Variants in AFF1 observed in about 807,000 individuals in gnomAD.
AFF1 encodes the protein ALF transcription elongation factor 1, also known as AF4/FMR2 family member 1.
AFF1 carries 48 observed loss-of-function variants against 121.7 expected under a neutral mutation model. The observed-to-expected ratio is 0.39, with a 90% CI of 0.31 to 0.50. AFF1 has a LOEUF of 0.50. Ranked by LOEUF, AFF1 falls within the 20% of genes least tolerant of loss-of-function variation. The probability of loss-of-function intolerance (pLI) is 0.76; values close to 1 mark genes in which losing one functional copy is unlikely to be tolerated. For missense variants in AFF1, 1,523 were observed against 1,511.7 expected (o/e 1.01, Z -0.12); for synonymous variants, 613 against 563.0 (o/e 1.09, Z -1.26).
In AFF1 at chr4:87,113,181, C is replaced by T. The variant is rs377451262; in HGVS notation, c.1534-1186C>T. On this transcript the variant is annotated intron_variant, in intron 11 of 20. Coordinates refer to ENST00000395146, the MANE Select transcript of AFF1 (RefSeq NM_001166693.3). The stretch of plus-strand genomic sequence containing the variant: ...GCCAGGAACCTATGTTTTTATGCCA[C>T]GCAATTGTACATTCTCATTGCCCCT... 5.3e-5 allele frequency among the ~76,000 whole-genome samples: 8 copies of T among 152,146 alleles called. No individual in the cohort carries two copies. In the East Asian group the frequency reaches 1.3e-3, roughly 26 times the overall value.
intron 19 of AFF1, among the ~76,000 whole-genome samples, chr4:87,133,859 G>A (rs1194881347): frequency 6.6e-6 from 1 of 152,196 alleles, no homozygotes; most frequent in African/African-American, 2.4e-5. Flanking sequence ...GAGTAAAGAG[G>A]AGATAGAGTC....
intron 4 of AFF1, among the ~76,000 whole-genome samples, chr4:87,083,068 A>G (rs948100500): frequency 1.3e-5 from 2 of 152,226 alleles, no homozygotes; most frequent in African/African-American, 4.8e-5. Context: ...ATGAATTGAC[A>G]CAGAGCAAGT....
intron 4 of AFF1, among the ~76,000 whole-genome samples, chr4:87,052,059 T>C (rs184016677): frequency 2.9e-3 from 442 of 152,110 alleles, no homozygotes; most frequent in African/African-American, 9.5e-3. Context: ...AGGATGAACA[T>C]GCGTCAGTCA....
chr4:87,031,723 A>G lies in AFF1; in HGVS notation c.39-14443A>G, dbSNP rs556503813. Among the ~76,000 whole-genome samples, 146 of 152,312 alleles carry G rather than the reference A, an allele frequency of 9.6e-4. 1 individual carries two copies. In the South Asian group the frequency reaches 0.019, roughly 19 times the overall value. ...CAGGTCTTATAAAATATAAATTGTC[A>G]CAGTGTATCTGGTGGTAATGTTGAA... is the stretch of plus-strand genomic sequence containing the variant. On this transcript the variant is annotated intron_variant, in intron 2 of 20. Coordinates refer to ENST00000395146, the MANE Select transcript of AFF1 (RefSeq NM_001166693.3).
At chr4:87,029,533 A>C (rs1728863871) in intron 2 of AFF1, among the ~76,000 whole-genome samples, 1 of 152,136 alleles carries the variant, frequency 6.6e-6, no homozygotes. Flanking sequence ...CCACTGGCTT[A>C]ATTCTTCATA....
intron 8 of AFF1, among the ~76,000 whole-genome samples, chr4:87,096,476 C>A (rs1265607583): frequency 1.3e-5 from 2 of 148,242 alleles, no homozygotes; most frequent in Admixed American, 6.8e-5. Flanking sequence ...AAGCAGTTCT[C>A]CTGCCTCAGC....
intron 4 of AFF1, among the ~76,000 whole-genome samples, chr4:87,077,565 CT>C (rs1336809801): frequency 1.3e-5 from 2 of 152,020 alleles, no homozygotes; most frequent in African/African-American, 4.8e-5. Context: ...AATCTTCCCC[CT>C]ATTCCTTCCC....
intron 10 of AFF1, among the ~76,000 whole-genome samples, chr4:87,106,376 CTG>C: frequency 6.6e-6 from 1 of 152,076 alleles, no homozygotes; most frequent in South Asian, 2.1e-4. Flanking sequence ...GAGCGAGACT[CTG>C]TCTCAAAAAA....
rs545530238 is a variant in AFF1, at chr4:87,072,138, C to T, written c.1060-11982C>T. ...CAGCACTTTGGGAGGCCGAGGTGGG[C>T]GGATCACGAAGTCAGGAGATCTAGA... is the stretch of plus-strand genomic sequence containing the variant. On this transcript the variant is annotated intron_variant, in intron 4 of 20. Transcript: ENST00000395146. Among the ~76,000 whole-genome samples, 176 of 152,078 alleles carry T rather than the reference C, an allele frequency of 1.2e-3. 2 individuals are homozygous for T. The highest frequency in any genetic ancestry group is 7.1e-3 in the South Asian group (34 of 4,808).
chr4:87,077,533 T>A (rs1722789604), intron 4 of AFF1, among the ~76,000 whole-genome samples: 1 of 152,058 alleles, frequency 6.6e-6, no homozygotes, highest in South Asian at 2.1e-4. Context: ...TTTAAAAGGT[T>A]AAAAAAAGGA....
At chr4:87,083,742 G>A (rs1300534654) in intron 4 of AFF1, among the ~76,000 whole-genome samples, 2 of 152,100 alleles carry the variant, frequency 1.3e-5, no homozygotes, top group Non-Finnish European at 2.9e-5. Flanking sequence ...ACAAGATTCA[G>A]TTAGATTAAT....
At chr4:87,093,548 A>G (rs1360800764) in intron 7 of AFF1, among the ~76,000 whole-genome samples, 1 of 152,144 alleles carries the variant, frequency 6.6e-6, no homozygotes, top group African/African-American at 2.4e-5. Flanking sequence ...CCCTAGTGTT[A>G]TATGTCCACA....
intron 2 of AFF1, among the ~76,000 whole-genome samples, chr4:86,998,874 C>G (rs1250890581): frequency 6.6e-6 from 1 of 152,124 alleles, no homozygotes; most frequent in Admixed American, 6.5e-5. Context: ...TTCAGTATCT[C>G]AAGAAATCTC....
chr4:87,022,764 ATG>A (rs1219573034), intron 2 of AFF1, among the ~76,000 whole-genome samples: 5 of 147,222 alleles, frequency 3.4e-5, no homozygotes, highest in Admixed American at 2.0e-4. Flanking sequence ...ATATAATATC[ATG>A]TGTGTGTATA....
At chr4:86,989,417 C>T (rs1694768964) in intron 2 of AFF1, among the ~76,000 whole-genome samples, 1 of 152,218 alleles carries the variant, frequency 6.6e-6, no homozygotes, top group Non-Finnish European at 1.5e-5. Context: ...GGCCAACAAA[C>T]ATGAAAAGCA....
At chr4:87,060,253 A>G (rs957837384) in intron 4 of AFF1, among the ~76,000 whole-genome samples, 5 of 152,230 alleles carry the variant, frequency 3.3e-5, no homozygotes, top group African/African-American at 4.8e-5. Context: ...CTGGAGATTA[A>G]TCAGATTGTT....
At chr4:87,062,977 T>A (rs970653050) in intron 4 of AFF1, among the ~76,000 whole-genome samples, 2 of 152,190 alleles carry the variant, frequency 1.3e-5, no homozygotes, top group African/African-American at 4.8e-5. Context: ...GTTTGAATCT[T>A]GTTTTTACCT....
chr4:86,978,572 T>C (rs943049641), intron 2 of AFF1, among the ~76,000 whole-genome samples: 6 of 152,168 alleles, frequency 3.9e-5, no homozygotes, highest in Non-Finnish European at 7.3e-5. Context: ...AGACAGGGTC[T>C]TGCTCTGTTG....
chr4:87,105,506 TA>T, intron 8 of AFF1, 121 bp from the exon 9 acceptor site: 1 of 1,036,518 alleles, frequency 9.6e-7, no homozygotes, highest in Non-Finnish European at 1.4e-6. Flanking sequence ...CTTTAATAAA[TA>T]AAGAAAACTT....
Sources: allele counts gnomAD v4.1 joint callset (sites outside exome capture counted in the v4.1 genomes callset), GRCh38; gene constraint gnomAD v4.1.1; transcripts MANE v1.5; gene names NCBI Gene and HGNC (gene_info 2026-07-23, HGNC 2026-07-21).